CADM2: variants seen among roughly 807,000 people sequenced by gnomAD.
The protein encoded by CADM2 is immunoglobulin superfamily member 4D.
Under a neutral mutation model 49.8 loss-of-function variants are expected in CADM2, and 12 were observed. The observed-to-expected ratio is 0.24, with a 90% CI of 0.15 to 0.39. The LOEUF is 0.39. Among genes scored for constraint, CADM2 ranks in the 10% least tolerant of loss-of-function variants. CADM2 has a pLI of 1.00. For missense variants in CADM2, 378 were observed against 492.3 expected (o/e 0.77, Z 2.20); for synonymous variants, 214 against 175.4 (o/e 1.22, Z -1.74).
chr3:85,686,633 G>C (rs909532232), intron 1 of CADM2, among the ~76,000 whole-genome samples: 6 of 152,070 alleles, frequency 3.9e-5, no homozygotes, highest in African/African-American at 1.4e-4. Flanking sequence ...ACCAAAACTT[G>C]GTTTGGAGTG....
intron 1 of CADM2, among the ~76,000 whole-genome samples, chr3:85,016,971 T>C (rs2034277463): frequency 6.6e-6 from 1 of 152,084 alleles, no homozygotes; most frequent in Admixed American, 6.6e-5. Flanking sequence ...ATTGGGAGGA[T>C]GCTTGAAATA....
chr3:85,862,735 C>T (rs529686819), intron 3 of CADM2, among the ~76,000 whole-genome samples: 14 of 152,062 alleles, frequency 9.2e-5, no homozygotes, highest in Non-Finnish European at 1.9e-4. Flanking sequence ...CATGGAGTGA[C>T]ATGTTTAGTA....
intron 1 of CADM2, among the ~76,000 whole-genome samples, chr3:85,552,151 A>G (rs17458714): frequency 0.21 from 31,418 of 152,002 alleles, 3,868 homozygotes; most frequent in East Asian, 0.3. Context: ...GACTTTAGAC[A>G]TGAGCTATCC....
intron 3 of CADM2, among the ~76,000 whole-genome samples, chr3:85,824,401 AT>A (rs895902820): frequency 3.1e-4 from 47 of 150,648 alleles, no homozygotes; most frequent in East Asian, 5.9e-4. Flanking sequence ...ATGGATAGAG[AT>A]TTTTTTTTTA....
intron 1 of CADM2, among the ~76,000 whole-genome samples, chr3:85,133,436 G>T (rs557837195): frequency 6.6e-6 from 1 of 152,030 alleles, no homozygotes; most frequent in Non-Finnish European, 1.5e-5. Context: ...TGGACACAAA[G>T]GTTCTCCAAG....
rs2035387675 is a variant in CADM2 at position 85,040,365 on chromosome 3, ATTTG to A, written c.61+80705_61+80708del. Among the ~76,000 whole-genome samples the A allele has an allele frequency of 2.0e-5, 3 of 152,158 alleles. No homozygotes were observed. The South Asian group carries it at 6.2e-4, about 31-fold the overall frequency. On this transcript the variant is annotated intron_variant, in intron 1 of 9. Coordinates refer to ENST00000383699, the MANE Select transcript of CADM2 (RefSeq NM_001167675.2). Reference sequence around the variant, plus strand: ...CTTGCCTTTGTTAGCATGTTTGTTTATTTGTTTGTTTTAATCAACAAGTCTATCT... The same window carrying A: ...CTTGCCTTTGTTAGCATGTTTGTTTATTTGTTTTAATCAACAAGTCTATCT...
intron 1 of CADM2, among the ~76,000 whole-genome samples, chr3:85,159,232 T>C (rs1169740154): frequency 1.1e-4 from 17 of 152,326 alleles, no homozygotes; most frequent in Non-Finnish European, 1.2e-4. Flanking sequence ...GCAGCTGTTA[T>C]GCCCACTGAG....
intron 2 of CADM2, chr3:85,800,116 A>C (rs1166799120): frequency 6.6e-6 from 1 of 152,238 alleles, no homozygotes; most frequent in Admixed American, 6.6e-5. Context: ...GCAGTGTGGA[A>C]ACAGAGGATT....
intron 2 of CADM2, among the ~76,000 whole-genome samples, chr3:85,786,979 G>C (rs953827444): frequency 1.3e-5 from 2 of 151,990 alleles, no homozygotes; most frequent in Non-Finnish European, 2.9e-5. Context: ...TGAAAGCATA[G>C]TATTGTTATT....
At chr3:85,885,487 A>G (rs1009739804) in intron 4 of CADM2, among the ~76,000 whole-genome samples, 15 of 151,922 alleles carry the variant, frequency 9.9e-5, no homozygotes, top group Non-Finnish European at 1.9e-4. Flanking sequence ...CCTGGCCAAC[A>G]TGGAGAACCA....
At chr3:85,092,123 C>T (rs1412043954) in intron 1 of CADM2, among the ~76,000 whole-genome samples, 1 of 151,988 alleles carries the variant, frequency 6.6e-6, no homozygotes, top group Non-Finnish European at 1.5e-5. Context: ...AAGAAGCCAC[C>T]ACTAAATAAT....
intron 1 of CADM2, among the ~76,000 whole-genome samples, chr3:85,170,222 G>A (rs1368269259): frequency 6.6e-6 from 1 of 152,104 alleles, no homozygotes; most frequent in Non-Finnish European, 1.5e-5. Flanking sequence ...TACATTGTGT[G>A]ATTAATTTAT....
intron 1 of CADM2, among the ~76,000 whole-genome samples, chr3:85,336,483 C>A (rs950620233): frequency 6.6e-6 from 1 of 151,146 alleles, no homozygotes; most frequent in African/African-American, 2.4e-5. Flanking sequence ...AAATTGATAG[C>A]GAATGTTTTC....
At chr3:85,789,021 C>T (rs2071173156) in intron 2 of CADM2, among the ~76,000 whole-genome samples, 1 of 152,058 alleles carries the variant, frequency 6.6e-6, no homozygotes. Context: ...AATATATACA[C>T]ACATCATTTC....
intron 1 of CADM2, among the ~76,000 whole-genome samples, chr3:85,339,609 C>T (rs1340823772): frequency 1.3e-5 from 2 of 151,014 alleles, no homozygotes; most frequent in Non-Finnish European, 3.0e-5. Flanking sequence ...TAGGCATTCT[C>T]CCAAGTCACT....
intron 1 of CADM2, among the ~76,000 whole-genome samples, chr3:84,961,465 C>G (rs537786597): frequency 6.6e-6 from 1 of 152,142 alleles, no homozygotes; most frequent in South Asian, 2.1e-4. Context: ...CGTACACCGC[C>G]GAGTCCCATT....
chr3:85,426,493 C>T (rs1057406034), intron 1 of CADM2, among the ~76,000 whole-genome samples: 1 of 151,788 alleles, frequency 6.6e-6, no homozygotes, highest in African/African-American at 2.4e-5. Flanking sequence ...TAAAAAATAA[C>T]TTTTGTGGGT....
intron 1 of CADM2, among the ~76,000 whole-genome samples, chr3:85,408,516 C>A (rs1328032298): frequency 2.0e-5 from 3 of 152,138 alleles, no homozygotes; most frequent in African/African-American, 7.2e-5. Flanking sequence ...AATTGCGTAG[C>A]AACTACCATA....
At chr3:85,214,123 T>C (rs926436439) in intron 1 of CADM2, among the ~76,000 whole-genome samples, 2 of 152,102 alleles carry the variant, frequency 1.3e-5, no homozygotes, top group Non-Finnish European at 2.9e-5. Flanking sequence ...AAGTCTTTGG[T>C]CACAGTAGCC....
Sources: allele counts gnomAD v4.1 joint callset (sites outside exome capture counted in the v4.1 genomes callset), GRCh38; gene constraint gnomAD v4.1.1; transcripts MANE v1.5; gene names NCBI Gene and HGNC (gene_info 2026-07-23, HGNC 2026-07-21).